Variants in ROBO4 observed in about 807,000 individuals in gnomAD.
The protein encoded by ROBO4 is roundabout guidance receptor 4.
ROBO4 carries 80 observed loss-of-function variants against 103.3 expected under a neutral mutation model. That is an observed-to-expected ratio of 0.77 (90% CI 0.65 to 0.93). The LOEUF is 0.93. Among genes scored for constraint, ROBO4 ranks in the 40% least tolerant of loss-of-function variants. The pLI, the probability that ROBO4 is intolerant of heterozygous loss-of-function variation, is 0.00. For missense variants in ROBO4, 1,333 were observed against 1,305.3 expected, an observed-to-expected ratio of 1.02 and a Z score of -0.33; for synonymous variants, 504 against 529.7, an observed-to-expected ratio of 0.95 and a Z score of 0.67.
In ROBO4 at chr11:124,891,665, C is replaced by T. The variant is rs141396573; in HGVS notation, c.1684+1G>A. On this transcript the variant is annotated splice_donor_variant, in intron 11 of 17. Coordinates refer to ENST00000306534, the MANE Select transcript of ROBO4 (RefSeq NM_019055.6). LOFTEE classifies it high-confidence loss of function. ...CCCTTGCCCCCACTGAGCATGCTCACAGGAGCGACGACAGTCTAGTGGGTC... is the reference window on the plus strand; with the variant it reads ...CCCTTGCCCCCACTGAGCATGCTCATAGGAGCGACGACAGTCTAGTGGGTC... The T allele has an allele frequency of 1.9e-4, 310 of 1,614,208 alleles. No homozygotes were observed. The African/African-American group carries it at 3.9e-3, about 20-fold the overall frequency.
rs762027322 is a variant in ROBO4 at position 124,893,707 on chromosome 11, C to G, written c.1528G>C (p.Asp510His). ...GPGLYRYTSE[D>H]AILKHRMDHS... Reference sequence around the variant, plus strand: ...TCTCACCTGTGTTTTAGGATGGCATCCTCACTGGTATATCTGTACAGACCT... The same window carrying G: ...TCTCACCTGTGTTTTAGGATGGCATGCTCACTGGTATATCTGTACAGACCT... Residue 510 changes from aspartate to histidine, a missense_variant, in exon 10 of 18, where the codon GAT becomes CAT. Transcript: ENST00000306534. The G allele has an allele frequency of 1.2e-6, 2 of 1,614,074 alleles. No individual in the cohort carries two copies. The highest frequency in any genetic ancestry group is 1.3e-5 in the African/African-American group (1 of 75,006).
rs1020569987 is a variant in ROBO4 at position 124,896,976 on chromosome 11, C to T, written c.356G>A (p.Arg119Gln). The T allele has an allele frequency of 1.6e-5, 26 of 1,613,834 alleles. No individual in the cohort carries two copies. The highest frequency in any genetic ancestry group is 3.3e-5 in the Admixed American group (2 of 60,006). The part of the protein sequence containing the change: ...LGVYTCEASN[R>Q]LGTAVSRGAR... Reference sequence around the variant, plus strand: ...GCCTCTGCTGACTGCCGTGCCAAGCCGGTTGCTGGCCTCACATGTGTAGAC... The same window carrying T: ...GCCTCTGCTGACTGCCGTGCCAAGCTGGTTGCTGGCCTCACATGTGTAGAC... The change falls in exon 2 of 18, where the codon CGG (arginine) becomes CAG (glutamine). Residue 119 changes from arginine (R) to glutamine (Q), a missense_variant. Arg to Gln is a conservative substitution (Grantham distance 43). Transcript: ENST00000306534.
In ROBO4 at chr11:124,894,587, T is replaced by G. The variant is rs189791176; in HGVS notation, c.1150-218A>C. On this transcript the variant is annotated intron_variant, in intron 7 of 17. Coordinates refer to ENST00000306534, the MANE Select transcript of ROBO4 (RefSeq NM_019055.6). ...GGCACAAGCAAGCTGCTAAAACACATGTAACATAGCAATTCTCAAACAACA... is the reference window on the plus strand; with the variant it reads ...GGCACAAGCAAGCTGCTAAAACACAGGTAACATAGCAATTCTCAAACAACA... 3.2e-4 allele frequency: 176 copies of G among 557,446 alleles called. 1 individual carries two copies. The East Asian group carries it at 4.4e-3, about 14-fold the overall frequency. 34.5% of individuals were successfully genotyped at this position (557,446 alleles called of 1,614,324 possible).
At position 124,897,777 on chromosome 11, in the gene ROBO4, T is replaced by C; in HGVS notation, c.19A>G (p.Ser7Gly). The C allele has an allele frequency of 1.2e-6, 2 of 1,613,758 alleles. No individual in the cohort carries two copies. Among genetic ancestry groups the C allele is most frequent in the Non-Finnish European group, 1.7e-6 (2 of 1,179,808 alleles). MGSGGD[S>G]LLGGRGSLPL... ...AGGGAACCCCTGCCCCCCAGGAGGC[T>C]GTCTCCTCCAGAGCCCATGGCTACT... The change falls in exon 1 of 18, where the codon AGC (serine) becomes GGC (glycine). Residue 7 changes from serine to glycine, a missense_variant. Transcript: ENST00000306534.
In ROBO4 at chr11:124,894,217, A is replaced by T; in HGVS notation, c.1302T>A (p.Pro434=). The T allele has an allele frequency of 2.5e-6, 4 of 1,612,092 alleles. No individual in the cohort carries two copies. Among genetic ancestry groups the T allele is most frequent in the Non-Finnish European group, 2.5e-6 (3 of 1,178,942 alleles). Residue 434 remains proline, a synonymous_variant, in exon 8 of 18, where the codon CCT becomes CCA. Transcript: ENST00000306534. The part of the protein sequence containing the change: ...TGAGAGEPSR[P]VCLLLEQAME... ...TGCCCTCACCTAAAAGGAGGCAGAC[A>T]GGTCTACTGGGCTCCCCAGCTCCAG...
chr11:124,896,956 T>A lies in ROBO4; in HGVS notation c.376A>T (p.Arg126Ter). ...CCAGCCACAGACAGCCGAGCGCCTC[T>A]GCTGACTGCCGTGCCAAGCCGGTTG... is the stretch of plus-strand genomic sequence containing the variant. ...ASNRLGTAVS[R>*]GARLSVAVLR... The change falls in exon 2 of 18, where the codon AGA (arginine) becomes TGA (stop). Residue 126 changes from arginine to a stop codon, truncating the protein, a stop_gained. Coordinates refer to ENST00000306534, the MANE Select transcript of ROBO4 (RefSeq NM_019055.6). LOFTEE classifies it high-confidence loss of function. The A allele has an allele frequency of 6.2e-7, 1 of 1,613,510 alleles. No individual in the cohort carries two copies. Among genetic ancestry groups the A allele is most frequent in the Non-Finnish European group, 8.5e-7 (1 of 1,179,990 alleles).
rs200505860 is a variant in ROBO4 at position 124,894,279 on chromosome 11, C to A, written c.1240G>T (p.Gly414Cys). The A allele has an allele frequency of 6.2e-7, 1 of 1,614,150 alleles. No homozygotes were observed. Among genetic ancestry groups the A allele is most frequent in the Admixed American group, 1.7e-5 (1 of 60,022 alleles). Residue 414 changes from glycine to cysteine, a missense_variant, in exon 8 of 18, where the codon GGC becomes TGC. Gly to Cys is a radical substitution (Grantham distance 159). Transcript: ENST00000306534. Reference protein sequence around the residue: ...TQLEIATHMPGSYCVQVAAVT... With the variant: ...TQLEIATHMPCSYCVQVAAVT... ...GCAGCCACTTGCACGCAGTAGGAGC[C>A]TGGCATATGGGTGGCGATTTCCAGC...
At chr11:124,886,022 C>T (rs759931568) in intron 16 of ROBO4, among the ~76,000 whole-genome samples, 1 of 152,076 alleles carries the variant, frequency 6.6e-6, no homozygotes, top group Non-Finnish European at 1.5e-5. Context: ...AACCCCGTCT[C>T]TACTAAAAAT....
Position 124,895,073 on chromosome 11 carries a change from G to T in ROBO4, c.1149+8C>A. 2 of 1,596,670 alleles carry T rather than the reference G, an allele frequency of 1.3e-6. No homozygotes were observed. Among genetic ancestry groups the T allele is most frequent in the Non-Finnish European group, 1.7e-6 (2 of 1,164,218 alleles). On this transcript the variant is annotated splice_region_variant and intron_variant, in intron 7 of 17. Coordinates refer to ENST00000306534, the MANE Select transcript of ROBO4 (RefSeq NM_019055.6). Reference sequence around the variant, plus strand: ...AGTAGGAAGGGCTATGACAGCTAGTGGGGGTACCTGGTAGCCACGGATGAT... The same window carrying T: ...AGTAGGAAGGGCTATGACAGCTAGTTGGGGTACCTGGTAGCCACGGATGAT...
At chr11:124,895,431 G>T in intron 6 of ROBO4, 26 bp downstream of exon 6, 2 of 1,593,848 alleles carry the variant, frequency 1.3e-6, no homozygotes, top group Non-Finnish European at 8.6e-7. Context: ...GGATATTGTT[G>T]GCTTCTGAAG....
intron 10 of ROBO4, chr11:124,892,948 A>G (rs1946822154): frequency 6.6e-6 from 1 of 152,624 alleles, no homozygotes; most frequent in African/African-American, 2.4e-5. Context: ...TGACAGTGAA[A>G]TGGCAGCTCT....
chr11:124,893,751 A>G (rs7927528), intron 9 of ROBO4, 21 bp from the exon 10 acceptor site: 262,525 of 1,612,946 alleles, frequency 0.16, 26,481 homozygotes, highest in African/African-American at 0.5. Flanking sequence ...GCAGGAGGAA[A>G]GCTAAATCCA....
At chr11:124,893,582 G>T in intron 10 of ROBO4, 106 bp downstream of exon 10, 1 of 1,010,928 alleles carries the variant, frequency 9.9e-7, no homozygotes, top group Non-Finnish European at 1.6e-6. Context: ...ATGTACGACA[G>T]TCCCAAACTC....
chr11:124,897,035 G>C lies in ROBO4; in HGVS notation c.297C>G (p.Ala99=), dbSNP rs781361000. The change falls in exon 2 of 18, where the codon GCC becomes GCG. Residue 99 remains alanine, a synonymous_variant. Transcript: ENST00000306534. ...CTGTGGACAGGGCCTGGCCATCGTG[G>C]GCATGTCCCCGGGCAGGGGGCTGTA... is the stretch of plus-strand genomic sequence containing the variant. ...LLLQPPARGH[A]HDGQALSTDL... is the part of the protein sequence containing the mutation. The C allele has an allele frequency of 1.2e-6, 2 of 1,613,974 alleles. No homozygotes were observed. Among genetic ancestry groups the C allele is most frequent in the Admixed American group, 3.3e-5 (2 of 60,000 alleles).
Position 124,887,457 on chromosome 11 carries a change from G to C in ROBO4, c.2099C>G (p.Pro700Arg). ...CTCATTTGAGGAGCTGAGGAGTTTC[G>C]GTCCCAGGGCCCGCCAGGCAACCAG... is the stretch of plus-strand genomic sequence containing the variant. ...QALVAWRALG[P>R]KLLSSSNELV... is the part of the protein sequence containing the mutation. The change falls in exon 14 of 18, where the codon CCG becomes CGG. Residue 700 changes from proline (P) to arginine (R), a missense_variant. Physicochemically the swap from Pro to Arg is moderately radical, Grantham distance 103 (BLOSUM62 -2). Coordinates refer to ENST00000306534, the MANE Select transcript of ROBO4 (RefSeq NM_019055.6). 1 of 1,613,966 alleles carries C rather than the reference G, an allele frequency of 6.2e-7. No individual in the cohort carries two copies. The highest frequency in any genetic ancestry group is 1.1e-5 in the South Asian group (1 of 91,072).
intron 7 of ROBO4, 54 bp from the exon 8 acceptor site, chr11:124,894,423 GC>G: frequency 6.4e-7 from 1 of 1,553,380 alleles, no homozygotes. Context: ...CAGAAGCCAA[GC>G]CCTTTATCTG....
At position 124,891,681 on chromosome 11, in the gene ROBO4, C is replaced by T. The variant is rs1946801122; in HGVS notation, c.1669G>A (p.Asp557Asn). 1 of 1,614,208 alleles carries T rather than the reference C, an allele frequency of 6.2e-7. No homozygotes were observed. Among genetic ancestry groups the T allele is most frequent in the Non-Finnish European group, 8.5e-7 (1 of 1,180,046 alleles). Residue 557 changes from aspartate (D) to asparagine (N), a missense_variant, in exon 11 of 18, where the codon GAC becomes AAC. Physicochemically the swap from Asp to Asn is conservative, Grantham distance 23. Transcript: ENST00000306534. ...RLGADARDPL[D>N]CRRSLLSWDS... ...GCATGCTCACAGGAGCGACGACAGT[C>T]TAGTGGGTCCCGGGCATCCGCCCCC...
chr11:124,891,967 C>A, intron 10 of ROBO4, 165 bp from the exon 11 acceptor site: 1 of 839,440 alleles, frequency 1.2e-6, no homozygotes, highest in Non-Finnish European at 2.0e-6. Context: ...GATCTCTGAC[C>A]TGGTCCCCTA....
intron 3 of ROBO4, 85 bp downstream of exon 3, chr11:124,896,428 G>A (rs564948385): frequency 8.8e-6 from 14 of 1,589,376 alleles, no homozygotes; most frequent in South Asian, 2.3e-5. Context: ...CGGAGGATGC[G>A]GGGCTGGACG....
Sources: gnomAD v4.1 joint callset for allele counts (sites outside exome capture counted in the v4.1 genomes callset) on GRCh38, gnomAD v4.1.1 for gene constraint, MANE v1.5 for transcripts, NCBI Gene and HGNC (gene_info 2026-07-23, HGNC 2026-07-21) for gene names.